Variants in KCND2 observed in about 807,000 individuals in gnomAD.
KCND2 encodes the protein A-type voltage-gated potassium channel KCND2.
Under a neutral mutation model 54.4 loss-of-function variants are expected in KCND2, and 16 were observed. The observed-to-expected ratio is 0.29, with a 90% CI of 0.20 to 0.45. The LOEUF (loss-of-function observed/expected upper bound fraction) is 0.45, where lower values mean the gene tolerates loss of function less well. Among genes scored for constraint, KCND2 ranks in the 20% least tolerant of loss-of-function variants. KCND2 has a pLI of 1.00. For missense variants in KCND2, 486 were observed against 824.2 expected (o/e 0.59, Z 5.02); for synonymous variants, 317 against 310.7 (o/e 1.02, Z -0.21).
At position 120,542,729 on chromosome 7, in the gene KCND2, G is replaced by A. The variant is rs150886005; in HGVS notation, c.1116-190174G>A. Among the ~76,000 whole-genome samples the A allele has an allele frequency of 7.2e-3, 1,103 of 152,234 alleles. 11 individuals are homozygous for A. The highest frequency in any genetic ancestry group is 0.01 in the Non-Finnish European group (686 of 68,006). On this transcript the variant is annotated intron_variant, in intron 1 of 5. Transcript: ENST00000331113. ...TACATTTTCCAATGGTCTATTGATA[G>A]CCACTGCTTCAACTTGGAAACCTGA...
At position 120,427,225 on chromosome 7, in the gene KCND2, C is replaced by T. The variant is rs981953278; in HGVS notation, c.1115+151478C>T. Among the ~76,000 whole-genome samples the T allele has an allele frequency of 1.4e-4, 21 of 152,248 alleles. No individual in the cohort carries two copies. In the South Asian group the frequency reaches 2.1e-3, roughly 15 times the overall value. ...CTATCTGTCAACATTTCATACAAAC[C>T]TATAACACAAAAGGACACCAAATTC... On this transcript the variant is annotated intron_variant, in intron 1 of 5. Coordinates refer to ENST00000331113, the MANE Select transcript of KCND2 (RefSeq NM_012281.3).
chr7:120,500,316 A>G (rs1802913238), intron 1 of KCND2, among the ~76,000 whole-genome samples: 1 of 152,158 alleles, frequency 6.6e-6, no homozygotes. Flanking sequence ...ATCTTCACCA[A>G]TCATCTTTTA....
intron 1 of KCND2, among the ~76,000 whole-genome samples, chr7:120,409,701 G>GT (rs1426663792): frequency 6.6e-6 from 1 of 151,620 alleles, no homozygotes. Context: ...TCAAAATTAT[G>GT]TTTAATCTTT....
chr7:120,745,777 C>T lies in KCND2; in HGVS notation c.1468-3C>T, dbSNP rs780123780. The T allele has an allele frequency of 6.2e-7, 1 of 1,613,500 alleles. No homozygotes were observed. Among genetic ancestry groups the T allele is most frequent in the Non-Finnish European group, 8.5e-7 (1 of 1,179,604 alleles). On this transcript the variant is annotated splice_polypyrimidine_tract_variant and splice_region_variant and intron_variant, in intron 4 of 5. Transcript: ENST00000331113. Reference sequence around the variant, plus strand: ...TCTTCATTTACTTACAACTGTGGAACAGAATCACGAGTTTGTGGACGAACA... The same window carrying T: ...TCTTCATTTACTTACAACTGTGGAATAGAATCACGAGTTTGTGGACGAACA...
intron 1 of KCND2, among the ~76,000 whole-genome samples, chr7:120,495,014 C>T (rs1802830293): frequency 6.6e-6 from 1 of 152,148 alleles, no homozygotes; most frequent in Admixed American, 6.6e-5. Context: ...TGTGTTGCCA[C>T]AAGTAGTTAT....
intron 1 of KCND2, among the ~76,000 whole-genome samples, chr7:120,305,168 C>T (rs1689304312): frequency 1.3e-5 from 2 of 151,986 alleles, no homozygotes; most frequent in African/African-American, 2.4e-5. Flanking sequence ...TTTTCTGAGC[C>T]AGAGCTTTGC....
intron 1 of KCND2, among the ~76,000 whole-genome samples, chr7:120,653,648 A>G (rs990075430): frequency 1.3e-5 from 2 of 152,206 alleles, no homozygotes; most frequent in Admixed American, 6.5e-5. Flanking sequence ...TATTATTTAC[A>G]TCATAGTTTT....
chr7:120,518,806 T>C (rs1370976748), intron 1 of KCND2, among the ~76,000 whole-genome samples: 1 of 152,184 alleles, frequency 6.6e-6, no homozygotes, highest in Non-Finnish European at 1.5e-5. Context: ...ATATGTCCTT[T>C]ACATGACAAA....
chr7:120,524,253 C>A (rs1252267471), intron 1 of KCND2, among the ~76,000 whole-genome samples: 1 of 151,426 alleles, frequency 6.6e-6, no homozygotes, highest in East Asian at 1.9e-4. Flanking sequence ...GAAAAAAAGC[C>A]AAAATTGAGG....
chr7:120,326,534 A>G (rs1799982081), intron 1 of KCND2, among the ~76,000 whole-genome samples: 1 of 152,114 alleles, frequency 6.6e-6, no homozygotes, highest in Non-Finnish European at 1.5e-5. Flanking sequence ...TTGGTAGCTC[A>G]TTGTTGAAGG....
At chr7:120,744,347 T>C (rs1362787320) in intron 4 of KCND2, among the ~76,000 whole-genome samples, 1 of 152,070 alleles carries the variant, frequency 6.6e-6, no homozygotes, top group African/African-American at 2.4e-5. Flanking sequence ...TTTTTTAAAA[T>C]CAAAAATCAC....
chr7:120,314,802 T>G (rs1799789200), intron 1 of KCND2, among the ~76,000 whole-genome samples: 1 of 152,190 alleles, frequency 6.6e-6, no homozygotes, highest in Non-Finnish European at 1.5e-5. Context: ...TAGATGTGGA[T>G]GAATCCACAT....
At chr7:120,438,190 G>A (rs1801897630) in intron 1 of KCND2, among the ~76,000 whole-genome samples, 1 of 152,146 alleles carries the variant, frequency 6.6e-6, no homozygotes, top group South Asian at 2.1e-4. Flanking sequence ...TTAGATATTT[G>A]GCAGCGCATG....
chr7:120,309,489 A>ACACC (rs1799702695), intron 1 of KCND2, among the ~76,000 whole-genome samples: 1 of 142,894 alleles, frequency 7.0e-6, no homozygotes, highest in African/African-American at 2.5e-5. Flanking sequence ...ACACACACAC[A>ACACC]CACACACACA....
In KCND2 at chr7:120,671,801, C is replaced by T. The variant is rs577949081; in HGVS notation, c.1116-61102C>T. Among the ~76,000 whole-genome samples the T allele has an allele frequency of 2.0e-5, 3 of 152,202 alleles. No individual in the cohort carries two copies. The South Asian group carries it at 6.2e-4, about 32-fold the overall frequency. On this transcript the variant is annotated intron_variant, in intron 1 of 5. Transcript: ENST00000331113. ...CTTGATCTATTTCCCCAATTAGAACCCTCAAACCTGCGTCATTCTACATAT... is the reference window on the plus strand; with the variant it reads ...CTTGATCTATTTCCCCAATTAGAACTCTCAAACCTGCGTCATTCTACATAT...
At chr7:120,459,858 CCTT>C (rs1447603178) in intron 1 of KCND2, among the ~76,000 whole-genome samples, 2 of 152,130 alleles carry the variant, frequency 1.3e-5, no homozygotes, top group Non-Finnish European at 2.9e-5. Flanking sequence ...GTCCAGGAAT[CCTT>C]CTTCTTCTTC....
intron 1 of KCND2, among the ~76,000 whole-genome samples, chr7:120,395,154 A>G (rs1801136031): frequency 6.6e-6 from 1 of 152,076 alleles, no homozygotes; most frequent in Admixed American, 6.6e-5. Context: ...CTTCAATAAC[A>G]TAACTGTTTT....
intron 1 of KCND2, among the ~76,000 whole-genome samples, chr7:120,670,562 G>A (rs2116572216): frequency 6.6e-6 from 1 of 152,124 alleles, no homozygotes; most frequent in South Asian, 2.1e-4. Flanking sequence ...AGTGAAATCA[G>A]AAATTCACTG....
chr7:120,635,096 AACTTTT>A (rs1359168985), intron 1 of KCND2, among the ~76,000 whole-genome samples: 1 of 152,208 alleles, frequency 6.6e-6, no homozygotes, highest in Non-Finnish European at 1.5e-5. Context: ...GCTAGTAAAT[AACTTTT>A]ACTTTTACTT....
Sources: gnomAD v4.1 joint callset for allele counts (sites outside exome capture counted in the v4.1 genomes callset) on GRCh38, gnomAD v4.1.1 for gene constraint, MANE v1.5 for transcripts, NCBI Gene and HGNC (gene_info 2026-07-23, HGNC 2026-07-21) for gene names.